NCAM2: variants seen among roughly 807,000 people sequenced by gnomAD.
NCAM2 encodes the protein N-CAM-2.
In NCAM2, 30 loss-of-function variants were observed where a neutral mutation model predicts 98.1. The ratio of observed to expected loss-of-function variants is 0.31; its 90% CI spans 0.23 to 0.41. The LOEUF is 0.41. Ranked by LOEUF, NCAM2 falls within the 10% of genes least tolerant of loss-of-function variation. NCAM2 has a pLI of 1.00. For synonymous variants in NCAM2, 368 were observed against 342.4 expected, an observed-to-expected ratio of 1.07 and a Z score of -0.83; for missense variants, 867 against 1,005.8, an observed-to-expected ratio of 0.86 and a Z score of 1.87.
At chr21:21,525,832 T>G (rs749338175) in intron 16 of NCAM2, among the ~76,000 whole-genome samples, 5 of 152,086 alleles carry the variant, frequency 3.3e-5, no homozygotes, top group Non-Finnish European at 7.4e-5. Flanking sequence ...TTATCCCAGG[T>G]ATGCAAGTCT....
At chr21:21,535,966 G>C (rs1240408356) in intron 17 of NCAM2, among the ~76,000 whole-genome samples, 1 of 152,048 alleles carries the variant, frequency 6.6e-6, no homozygotes, top group African/African-American at 2.4e-5. Context: ...TATTTCATGA[G>C]TAAGAGATAT....
rs5842868 is a variant in NCAM2 at position 21,009,883 on chromosome 21, C to CTGTGTGTGTGTGTGTGTGTGTGTG, written c.55+11277_55+11300dup. On this transcript the variant is annotated intron_variant, in intron 1 of 17. Coordinates refer to ENST00000400546, the MANE Select transcript of NCAM2 (RefSeq NM_004540.5). The stretch of plus-strand genomic sequence containing the variant: ...AAAATCCTCCTTTGGCCTCTGATAG[C>CTGTGTGTGTGTGTGTGTGTGTGTG]TGTGTGTGTGTGTGTGTGTGTGTGT... 9.7e-4 allele frequency among the ~76,000 whole-genome samples: 136 copies of CTGTGTGTGTGTGTGTGTGTGTGTG among 139,732 alleles called. 2 individuals carry two copies. The highest frequency in any genetic ancestry group is 1.6e-3 in the Non-Finnish European group (104 of 64,834). 91.7% of individuals were successfully genotyped at this position (139,732 alleles called of 152,430 possible).
rs538023563 is a variant in NCAM2 at position 21,487,133 on chromosome 21, T to G, written c.2077+9662T>G. On this transcript the variant is annotated intron_variant, in intron 15 of 17. Transcript: ENST00000400546. ...CTATTGCATTCCAATAAATAAAACCTTAGACATTTTACATCCTAGGATTTT... is the reference window on the plus strand; with the variant it reads ...CTATTGCATTCCAATAAATAAAACCGTAGACATTTTACATCCTAGGATTTT... Among the ~76,000 whole-genome samples, 6 of 152,256 alleles carry G rather than the reference T, an allele frequency of 3.9e-5. No homozygotes were observed. In the South Asian group the frequency reaches 1.0e-3, roughly 26 times the overall value.
intron 10 of NCAM2, among the ~76,000 whole-genome samples, chr21:21,413,612 T>C (rs981233782): frequency 5.3e-5 from 8 of 152,212 alleles, no homozygotes; most frequent in Non-Finnish European, 1.0e-4. Flanking sequence ...ATAAAAGTTA[T>C]GTTGGCACTA....
intron 6 of NCAM2, 48 bp from the exon 7 acceptor site, chr21:21,335,457 A>C (rs776369144): frequency 1.0e-5 from 15 of 1,492,708 alleles, no homozygotes; most frequent in Non-Finnish European, 1.2e-5. Flanking sequence ...AAATCTACTA[A>C]ATTATAAAGC....
chr21:21,131,837 T>C (rs1313847873), intron 1 of NCAM2, among the ~76,000 whole-genome samples: 2 of 152,210 alleles, frequency 1.3e-5, no homozygotes, highest in East Asian at 3.8e-4. Flanking sequence ...ATGGCCAAGA[T>C]ACTAGAAAAG....
chr21:21,007,206 C>A, intron 1 of NCAM2, among the ~76,000 whole-genome samples: 1 of 152,128 alleles, frequency 6.6e-6, no homozygotes, highest in Non-Finnish European at 1.5e-5. Flanking sequence ...AGAAAATAAG[C>A]TCACTTGTAG....
rs531301999 is a variant in NCAM2 at position 21,129,215 on chromosome 21, C to G, written c.55+130597C>G. Among the ~76,000 whole-genome samples, 5 of 152,176 alleles carry G rather than the reference C, an allele frequency of 3.3e-5. 1 individual carries two copies. The South Asian group carries it at 1.0e-3, about 32-fold the overall frequency. ...AAATTTATATCAGATACTGTACAGA[C>G]TTACCTTTATCAAACACTTCTTTTA... On this transcript the variant is annotated intron_variant, in intron 1 of 17. Transcript: ENST00000400546.
intron 1 of NCAM2, among the ~76,000 whole-genome samples, chr21:21,019,691 A>G (rs1490085374): frequency 6.6e-6 from 1 of 152,204 alleles, no homozygotes; most frequent in African/African-American, 2.4e-5. Flanking sequence ...GAAAATTTGG[A>G]TATATCAAAA....
intron 1 of NCAM2, among the ~76,000 whole-genome samples, chr21:21,151,453 T>C (rs2067446004): frequency 6.6e-6 from 1 of 152,068 alleles, no homozygotes; most frequent in African/African-American, 2.4e-5. Flanking sequence ...AATAGGCTAA[T>C]TCACATCTTC....
chr21:21,259,565 A>G (rs1182160705), intron 1 of NCAM2, among the ~76,000 whole-genome samples: 1 of 151,950 alleles, frequency 6.6e-6, no homozygotes. Context: ...GCTGGTTCCT[A>G]CTCTTAAATG....
At chr21:21,383,819 T>C (rs1389189399) in intron 9 of NCAM2, among the ~76,000 whole-genome samples, 5 of 152,096 alleles carry the variant, frequency 3.3e-5, no homozygotes, top group South Asian at 2.1e-4. Context: ...TTTTTCTTTT[T>C]TAAAATTTAT....
At chr21:21,319,168 C>T (rs570038177) in intron 5 of NCAM2, among the ~76,000 whole-genome samples, 12 of 152,090 alleles carry the variant, frequency 7.9e-5, no homozygotes, top group East Asian at 7.7e-4. Flanking sequence ...TCTTCATATT[C>T]GTGGTCTTAC....
At chr21:21,243,669 A>G (rs756035157) in intron 1 of NCAM2, among the ~76,000 whole-genome samples, 3 of 152,096 alleles carry the variant, frequency 2.0e-5, no homozygotes, top group Non-Finnish European at 4.4e-5. Context: ...CTATTCCTCT[A>G]AAAAGAAGTC....
intron 12 of NCAM2, among the ~76,000 whole-genome samples, chr21:21,446,518 C>T (rs1433299225): frequency 6.6e-6 from 1 of 151,910 alleles, no homozygotes; most frequent in Admixed American, 6.6e-5. Context: ...TGTCATCACT[C>T]CTATTCCACA....
chr21:21,112,687 G>A (rs1405151358), intron 1 of NCAM2, among the ~76,000 whole-genome samples: 1 of 152,202 alleles, frequency 6.6e-6, no homozygotes, highest in African/African-American at 2.4e-5. Context: ...TCACCATCAG[G>A]CCTTATCACC....
chr21:21,118,680 A>C (rs907079587), intron 1 of NCAM2, among the ~76,000 whole-genome samples: 1 of 150,726 alleles, frequency 6.6e-6, no homozygotes, highest in African/African-American at 2.4e-5. Flanking sequence ...CTTTTCTTCT[A>C]CTCTTTTTCT....
chr21:21,181,597 A>G (rs941172550), intron 1 of NCAM2, among the ~76,000 whole-genome samples: 5 of 152,182 alleles, frequency 3.3e-5, no homozygotes, highest in Non-Finnish European at 7.4e-5. Context: ...ACAGCTGCTC[A>G]TCAATTAGAC....
intron 8 of NCAM2, among the ~76,000 whole-genome samples, chr21:21,351,875 T>A (rs758090333): frequency 6.6e-6 from 1 of 151,942 alleles, no homozygotes; most frequent in South Asian, 2.1e-4. Flanking sequence ...GCCTCTGGAG[T>A]TGCTAGGATT....
Sources: gnomAD v4.1 joint callset for allele counts (sites outside exome capture counted in the v4.1 genomes callset) on GRCh38, gnomAD v4.1.1 for gene constraint, MANE v1.5 for transcripts, NCBI Gene and HGNC (gene_info 2026-07-23, HGNC 2026-07-21) for gene names.